Variants in NPAS3 observed in about 807,000 individuals in gnomAD.
NPAS3 encodes the protein neuronal PAS domain-containing protein 3.
Under a neutral mutation model 73.1 loss-of-function variants are expected in NPAS3, and 14 were observed. The ratio of observed to expected loss-of-function variants is 0.19; its 90% CI spans 0.13 to 0.30. The LOEUF (loss-of-function observed/expected upper bound fraction) is 0.30, where lower values mean the gene tolerates loss of function less well. Ranked by LOEUF, NPAS3 falls within the 10% of genes least tolerant of loss-of-function variation. The pLI is 1.00. For synonymous variants in NPAS3, 620 were observed against 541.5 expected (o/e 1.14, Z -2.01); for missense variants, 1,096 against 1,250.0 (o/e 0.88, Z 1.86).
intron 2 of NPAS3, among the ~76,000 whole-genome samples, chr14:33,078,317 T>A (rs1045343586): frequency 6.6e-6 from 1 of 152,160 alleles, no homozygotes; most frequent in Non-Finnish European, 1.5e-5. Context: ...CCCAAGTATT[T>A]CTGGTTTGAT....
At chr14:33,294,468 G>T (rs1234369575) in intron 3 of NPAS3, among the ~76,000 whole-genome samples, 1 of 152,010 alleles carries the variant, frequency 6.6e-6, no homozygotes, top group Non-Finnish European at 1.5e-5. Context: ...CACTCTCAGT[G>T]GCTCAATTCC....
Position 33,384,424 on chromosome 14 carries a change from A to T in NPAS3, c.468+17156A>T, listed in dbSNP as rs577642337. ...TTTTAATGTTTCTGTGTTTTTTTAA[A>T]AAAAAAAAACAAATACCATTGAAGG... On this transcript the variant is annotated intron_variant, in intron 4 of 11. Coordinates refer to ENST00000356141, the Ensembl canonical transcript of NPAS3. 1.9e-3 allele frequency among the ~76,000 whole-genome samples: 288 copies of T among 151,604 alleles called. 2 individuals carry two copies. Among genetic ancestry groups the T allele is most frequent in the African/African-American group, 6.5e-3 (268 of 41,276 alleles).
At chr14:33,580,797 C>G (rs966735596) in intron 5 of NPAS3, among the ~76,000 whole-genome samples, 37 of 151,526 alleles carry the variant, frequency 2.4e-4, no homozygotes, top group Admixed American at 2.4e-3. Flanking sequence ...CACCCTCCAC[C>G]GCACCCCCCT....
At chr14:33,121,479 T>G (rs567424937) in intron 2 of NPAS3, among the ~76,000 whole-genome samples, 1 of 152,158 alleles carries the variant, frequency 6.6e-6, no homozygotes, top group Non-Finnish European at 1.5e-5. Flanking sequence ...TCTTGTTCAC[T>G]TTACCTGTAT....
intron 2 of NPAS3, among the ~76,000 whole-genome samples, chr14:33,110,784 C>T (rs529388982): frequency 3.9e-5 from 6 of 152,146 alleles, no homozygotes; most frequent in East Asian, 1.9e-4. Flanking sequence ...AGTCCGGGGA[C>T]GGGAACCACA....
chr14:33,264,325 G>A (rs184331997), intron 3 of NPAS3, among the ~76,000 whole-genome samples: 327 of 152,194 alleles, frequency 2.1e-3, no homozygotes, highest in African/African-American at 7.6e-3. Context: ...TAATGTAAAT[G>A]ATGAGTTAAT....
chr14:33,402,249 C>G (rs1220547727), intron 4 of NPAS3, among the ~76,000 whole-genome samples: 1 of 152,074 alleles, frequency 6.6e-6, no homozygotes, highest in African/African-American at 2.4e-5. Context: ...CCAAGCTCTT[C>G]AGAGGCATTT....
chr14:33,045,670 C>T (rs539860662), intron 1 of NPAS3, among the ~76,000 whole-genome samples: 33 of 152,090 alleles, frequency 2.2e-4, no homozygotes, highest in African/African-American at 4.6e-4. Flanking sequence ...AAGAGGGCTG[C>T]GAAGACTTTT....
intron 4 of NPAS3, among the ~76,000 whole-genome samples, chr14:33,442,898 C>G (rs982894692): frequency 1.3e-5 from 2 of 152,156 alleles, no homozygotes; most frequent in Non-Finnish European, 2.9e-5. Flanking sequence ...TTAATGTTTT[C>G]TGAACCTTGT....
At chr14:33,704,295 C>T (rs2060600796) in intron 6 of NPAS3, among the ~76,000 whole-genome samples, 1 of 152,118 alleles carries the variant, frequency 6.6e-6, no homozygotes, top group Admixed American at 6.5e-5. Flanking sequence ...CTGCAGATTA[C>T]TTTTTTAAGT....
intron 1 of NPAS3, among the ~76,000 whole-genome samples, chr14:32,981,559 A>G (rs550326930): frequency 5.4e-4 from 83 of 152,344 alleles, no homozygotes; most frequent in African/African-American, 1.9e-3. Flanking sequence ...AAATGTTCAG[A>G]CTTTATTTTT....
rs549269997 is a variant in NPAS3, at chr14:33,418,050, T to A, written c.468+50782T>A. Among the ~76,000 whole-genome samples, 72 of 37,466 alleles carry A rather than the reference T, an allele frequency of 1.9e-3. 2 individuals are homozygous for A. In the South Asian group the frequency reaches 0.062, roughly 32 times the overall value. The allele number at this position is 37,466 out of a possible 152,430, so 24.6% of individuals were successfully genotyped here. On this transcript the variant is annotated intron_variant, in intron 4 of 11. Transcript: ENST00000356141. Reference sequence around the variant, plus strand: ...GATAATGAACAAAAGCAATGCAGGATTTTTTTTTTTCAGAAATCTAATTCT... The same window carrying A: ...GATAATGAACAAAAGCAATGCAGGAATTTTTTTTTTCAGAAATCTAATTCT...
intron 2 of NPAS3, among the ~76,000 whole-genome samples, chr14:33,059,917 A>T (rs1458605587): frequency 2.0e-5 from 3 of 152,008 alleles, no homozygotes; most frequent in Non-Finnish European, 4.4e-5. Flanking sequence ...AGTAGCTAAG[A>T]CTACAGGTGC....
At chr14:33,358,772 T>C (rs760666335) in intron 3 of NPAS3, among the ~76,000 whole-genome samples, 17 of 152,358 alleles carry the variant, frequency 1.1e-4, no homozygotes, top group Non-Finnish European at 2.4e-4. Context: ...ATATTTCCTG[T>C]GGATACTTTT....
chr14:33,597,559 G>A (rs1595241328), intron 5 of NPAS3, among the ~76,000 whole-genome samples: 1 of 152,358 alleles, frequency 6.6e-6, no homozygotes, highest in Middle Eastern at 3.4e-3. Flanking sequence ...TTTAGCTCCA[G>A]ATTGCCATGT....
intron 6 of NPAS3, among the ~76,000 whole-genome samples, chr14:33,708,372 G>C (rs2060718500): frequency 6.6e-6 from 1 of 151,818 alleles, no homozygotes; most frequent in South Asian, 2.1e-4. Flanking sequence ...AAGGACTTTA[G>C]GTAAGAAAGA....
intron 1 of NPAS3, among the ~76,000 whole-genome samples, chr14:32,958,392 T>G (rs569456552): frequency 6.6e-6 from 1 of 152,278 alleles, no homozygotes; most frequent in African/African-American, 2.4e-5. Flanking sequence ...TCTTCCATAA[T>G]CTCTTGGCAG....
intron 5 of NPAS3, among the ~76,000 whole-genome samples, chr14:33,615,557 A>G (rs2057888410): frequency 6.6e-6 from 1 of 152,208 alleles, no homozygotes; most frequent in Admixed American, 6.5e-5. Flanking sequence ...CTCAGAAAAT[A>G]GGAGTACCAT....
At position 33,583,556 on chromosome 14, in the gene NPAS3, A is replaced by G. The variant is rs17101564; in HGVS notation, c.558+23346A>G. 7.4e-3 allele frequency among the ~76,000 whole-genome samples: 1,124 copies of G among 152,340 alleles called. 17 individuals carry two copies. Among genetic ancestry groups the G allele is most frequent in the African/African-American group, 0.026 (1,062 of 41,586 alleles). ...ATGAGCTAATGGCATACCAGTTATT[A>G]ATACTTGATCTAGTAGATGTTTAGG... On this transcript the variant is annotated intron_variant, in intron 5 of 11. Coordinates refer to ENST00000356141, the Ensembl canonical transcript of NPAS3.
Sources: gnomAD v4.1 joint callset for allele counts (sites outside exome capture counted in the v4.1 genomes callset) on GRCh38, gnomAD v4.1.1 for gene constraint, MANE v1.5 for transcripts, NCBI Gene and HGNC (gene_info 2026-07-23, HGNC 2026-07-21) for gene names.